The following MAGI2 variants were observed in gnomAD, a reference collection of about 807,000 sequenced individuals.
The protein encoded by MAGI2 is membrane associated guanylate kinase, WW and PDZ domain containing 2.
MAGI2 carries 35 observed loss-of-function variants against 133.3 expected under a neutral mutation model. The observed-to-expected ratio is 0.26, with a 90% CI of 0.20 to 0.35. The LOEUF is 0.35. MAGI2 is among the 10% of genes least tolerant of loss of function. MAGI2 has a pLI of 1.00. For synonymous variants in MAGI2, 729 were observed against 710.6 expected (o/e 1.03, Z -0.41); for missense variants, 1,636 against 1,863.4 (o/e 0.88, Z 2.25).
chr7:78,337,891 ACCATCCATCCAT>A (rs112967411), intron 9 of MAGI2, among the ~76,000 whole-genome samples: 4 of 150,104 alleles, frequency 2.7e-5, no homozygotes, highest in East Asian at 3.9e-4. Context: ...CCATCCAATC[ACCATCCATCCAT>A]CCATCCATCC....
chr7:78,628,081 A>G (rs1285707099), intron 2 of MAGI2, among the ~76,000 whole-genome samples: 1 of 152,240 alleles, frequency 6.6e-6, no homozygotes, highest in Non-Finnish European at 1.5e-5. Context: ...ACTGTAGCTC[A>G]GTCCAGCTCT....
intron 1 of MAGI2, among the ~76,000 whole-genome samples, chr7:79,025,581 G>T (rs1004335557): frequency 3.3e-5 from 5 of 152,132 alleles, no homozygotes; most frequent in African/African-American, 1.2e-4. Flanking sequence ...AGCAGCTGGG[G>T]ATGCACAATA....
chr7:78,730,650 A>G (rs1821280375), intron 2 of MAGI2, among the ~76,000 whole-genome samples: 1 of 152,190 alleles, frequency 6.6e-6, no homozygotes, highest in African/African-American at 2.4e-5. Flanking sequence ...GAATGAGGCC[A>G]CATGTATTCC....
chr7:79,441,621 T>C (rs917371623), intron 1 of MAGI2, among the ~76,000 whole-genome samples: 1 of 152,124 alleles, frequency 6.6e-6, no homozygotes, highest in African/African-American at 2.4e-5. Context: ...ATGTACTCCA[T>C]AATGAATCTG....
chr7:78,711,814 T>C lies in MAGI2; in HGVS notation c.419-84575A>G, dbSNP rs772445435. ...ATTTTTCACAGAATAAGGCAGCTCT[T>C]AATTACCTGCAGTAATGGAGAGCAG... On this transcript the variant is annotated intron_variant, in intron 2 of 21. Coordinates refer to ENST00000354212, the MANE Select transcript of MAGI2 (RefSeq NM_012301.4). Among the ~76,000 whole-genome samples, 114 of 152,302 alleles carry C rather than the reference T, an allele frequency of 7.5e-4. 2 individuals carry two copies. The highest frequency in any genetic ancestry group is 1.4e-3 in the Non-Finnish European group (95 of 68,028).
chr7:79,164,726 T>C lies in MAGI2; in HGVS notation c.302-157520A>G, dbSNP rs186722990. The stretch of plus-strand genomic sequence containing the variant: ...CCCACCTTGACACATTGAATTGCCC[T>C]GCCTTTCTGGACCAAACCAATGTAT... On this transcript the variant is annotated intron_variant, in intron 1 of 21. Coordinates refer to ENST00000354212, the MANE Select transcript of MAGI2 (RefSeq NM_012301.4). 1.2e-4 allele frequency among the ~76,000 whole-genome samples: 19 copies of C among 152,196 alleles called. No individual in the cohort carries two copies. In the East Asian group the frequency reaches 3.5e-3, roughly 28 times the overall value.
chr7:79,294,721 CTTTTTT>C (rs1161010284), intron 1 of MAGI2, among the ~76,000 whole-genome samples: 1 of 83,178 alleles, frequency 1.2e-5, no homozygotes. Context: ...ATTTTGGTAG[CTTTTTT>C]TTTTTTTTTT....
chr7:78,359,800 A>C (rs543618867), intron 7 of MAGI2, among the ~76,000 whole-genome samples: 3 of 152,224 alleles, frequency 2.0e-5, no homozygotes, highest in African/African-American at 7.2e-5. Flanking sequence ...TTACAGAAAA[A>C]AGGCCAAATT....
At chr7:79,194,362 A>G (rs1397524360) in intron 1 of MAGI2, among the ~76,000 whole-genome samples, 1 of 151,978 alleles carries the variant, frequency 6.6e-6, no homozygotes, top group Non-Finnish European at 1.5e-5. Context: ...TCTAAGTTGT[A>G]GGAATTAGTT....
At chr7:78,382,227 A>G (rs1392452288) in intron 6 of MAGI2, among the ~76,000 whole-genome samples, 3 of 152,132 alleles carry the variant, frequency 2.0e-5, no homozygotes, top group African/African-American at 7.2e-5. Context: ...AAGAGCCACA[A>G]ACTAAAGAAA....
At chr7:78,595,038 A>G (rs1365844163) in intron 3 of MAGI2, among the ~76,000 whole-genome samples, 1 of 152,164 alleles carries the variant, frequency 6.6e-6, no homozygotes, top group Admixed American at 6.5e-5. Flanking sequence ...TGGTCTGGCA[A>G]TATTTTCTGG....
chr7:78,384,224 T>C (rs1795183001), intron 6 of MAGI2, among the ~76,000 whole-genome samples: 1 of 152,088 alleles, frequency 6.6e-6, no homozygotes, highest in African/African-American at 2.4e-5. Context: ...TAACATAGCT[T>C]TCATAATGTA....
At chr7:78,538,514 T>G (rs1186603167) in intron 3 of MAGI2, among the ~76,000 whole-genome samples, 1 of 152,236 alleles carries the variant, frequency 6.6e-6, no homozygotes, top group Non-Finnish European at 1.5e-5. Flanking sequence ...AGCAGTGTTT[T>G]GTAGTTTTCC....
intron 1 of MAGI2, among the ~76,000 whole-genome samples, chr7:79,264,831 C>A (rs1834328849): frequency 1.3e-5 from 2 of 151,694 alleles, no homozygotes; most frequent in South Asian, 4.2e-4. Context: ...ACAGAGGTCA[C>A]ATGGCAAGAG....
chr7:79,327,153 C>T (rs1452595649), intron 1 of MAGI2, among the ~76,000 whole-genome samples: 1 of 152,082 alleles, frequency 6.6e-6, no homozygotes, highest in South Asian at 2.1e-4. Context: ...TGCTGACCAG[C>T]TGAAGGCCTC....
At chr7:78,929,855 A>G (rs1339895947) in intron 2 of MAGI2, among the ~76,000 whole-genome samples, 2 of 152,094 alleles carry the variant, frequency 1.3e-5, no homozygotes, top group African/African-American at 4.8e-5. Flanking sequence ...AGCTTACCAG[A>G]AAGGCTAAGA....
At position 79,118,060 on chromosome 7, in the gene MAGI2, C is replaced by A. The variant is rs144484138; in HGVS notation, c.302-110854G>T. On this transcript the variant is annotated intron_variant, in intron 1 of 21. Coordinates refer to ENST00000354212, the MANE Select transcript of MAGI2 (RefSeq NM_012301.4). ...AACAGGAACTTAGCTTTATTAAATG[C>A]GATGCAAGTCCATACAATGAAATAA... 3.7e-3 allele frequency among the ~76,000 whole-genome samples: 567 copies of A among 152,244 alleles called. 2 individuals carry two copies. Among genetic ancestry groups the A allele is most frequent in the African/African-American group, 0.013 (543 of 41,554 alleles).
chr7:78,501,499 T>TTTCC, intron 5 of MAGI2, 78 bp downstream of exon 5: 1 of 1,208,544 alleles, frequency 8.3e-7, no homozygotes. Flanking sequence ...TTTTTTTTTT[T>TTTCC]CCACGTCTAA....
intron 4 of MAGI2, 137 bp downstream of exon 4, chr7:78,521,293 C>T (rs552464600): frequency 7.8e-6 from 4 of 511,268 alleles, no homozygotes; most frequent in African/African-American, 7.6e-5. Context: ...CGTGAACACA[C>T]AGATGTAAGA....
Sources: gnomAD v4.1 joint callset for allele counts (sites outside exome capture counted in the v4.1 genomes callset) on GRCh38, gnomAD v4.1.1 for gene constraint, MANE v1.5 for transcripts, NCBI Gene and HGNC (gene_info 2026-07-23, HGNC 2026-07-21) for gene names.